TCF12: variants seen among roughly 807,000 people sequenced by gnomAD.
TCF12 encodes the protein transcription factor 12, also known as DNA-binding protein HTF4.
Under a neutral mutation model 86.0 loss-of-function variants are expected in TCF12, and 45 were observed. The observed-to-expected ratio is 0.52, with a 90% CI of 0.41 to 0.67. The LOEUF is 0.67. Among genes scored for constraint, TCF12 ranks in the 30% least tolerant of loss-of-function variants. The pLI is 0.00. For synonymous variants in TCF12, 330 were observed against 299.6 expected, an observed-to-expected ratio of 1.10 and a Z score of -1.05; for missense variants, 881 against 859.9, an observed-to-expected ratio of 1.02 and a Z score of -0.31.
intron 5 of TCF12, among the ~76,000 whole-genome samples, chr15:57,155,334 T>C (rs1300664718): frequency 6.6e-6 from 1 of 152,214 alleles, no homozygotes; most frequent in Non-Finnish European, 1.5e-5. Context: ...TTTTGAGTTA[T>C]GCCTTACTCA....
intron 6 of TCF12, among the ~76,000 whole-genome samples, chr15:57,171,721 A>G (rs930296756): frequency 3.3e-5 from 5 of 152,164 alleles, no homozygotes; most frequent in Non-Finnish European, 5.9e-5. Context: ...AAGGAAACTC[A>G]TGTGGCAGTA....
At chr15:57,213,498 A>T (rs2058202869) in intron 8 of TCF12, among the ~76,000 whole-genome samples, 1 of 152,242 alleles carries the variant, frequency 6.6e-6, no homozygotes, top group Non-Finnish European at 1.5e-5. Flanking sequence ...GGGGACCAAA[A>T]AATAACTTAA....
At position 56,952,133 on chromosome 15, in the gene TCF12, G is replaced by T. The variant is rs375260390; in HGVS notation, c.148+31035G>T. Among the ~76,000 whole-genome samples the T allele has an allele frequency of 4.0e-5, 6 of 151,898 alleles. No individual in the cohort carries two copies. In the South Asian group the frequency reaches 6.2e-4, roughly 16 times the overall value. ...TACTCTTTCTCAAGTGAATTCCTTT[G>T]CATGTTTGTGAACAAAAATAGTTTA... On this transcript the variant is annotated intron_variant, in intron 3 of 20. Coordinates refer to ENST00000333725, the MANE Select transcript of TCF12 (RefSeq NM_207037.2).
At chr15:57,251,673 G>T (rs1183136718) in intron 14 of TCF12, among the ~76,000 whole-genome samples, 1 of 152,130 alleles carries the variant, frequency 6.6e-6, no homozygotes, top group Non-Finnish European at 1.5e-5. Context: ...TTGTTTCTTT[G>T]ACAAATCTAG....
At chr15:56,993,303 C>T (rs114117577) in intron 3 of TCF12, among the ~76,000 whole-genome samples, 1 of 152,260 alleles carries the variant, frequency 6.6e-6, no homozygotes, top group African/African-American at 2.4e-5. Context: ...GTGGTAATGG[C>T]AGCAGAGACT....
chr15:57,247,016 T>G (rs2059895735), intron 13 of TCF12: 1 of 545,372 alleles, frequency 1.8e-6, no homozygotes. Context: ...TGCCTGAGCT[T>G]CTTCCACCAA....
At chr15:57,054,391 A>G (rs2067843361) in intron 3 of TCF12, among the ~76,000 whole-genome samples, 1 of 152,172 alleles carries the variant, frequency 6.6e-6, no homozygotes, top group Non-Finnish European at 1.5e-5. Context: ...AAAACAAAAA[A>G]CCTTTGCACT....
intron 18 of TCF12, among the ~76,000 whole-genome samples, chr15:57,271,243 CCACTTCGTT>C (rs2061126877): frequency 6.6e-6 from 1 of 152,216 alleles, no homozygotes; most frequent in South Asian, 2.1e-4. Context: ...AGCTTCCCTG[CCACTTCGTT>C]CACACAGTGA....
At chr15:57,222,787 TTTTTTTTA>T in intron 8 of TCF12, among the ~76,000 whole-genome samples, 6 of 135,582 alleles carry the variant, frequency 4.4e-5, no homozygotes, top group Admixed American at 7.3e-5. Context: ...TTTTTTTTTT[TTTTTTTTA>T]CTTTTAAGAT....
chr15:56,992,519 A>G (rs558374107), intron 3 of TCF12, among the ~76,000 whole-genome samples: 6 of 152,354 alleles, frequency 3.9e-5, no homozygotes, highest in African/African-American at 1.4e-4. Flanking sequence ...ATTTTGTTGA[A>G]TGGTGATTCT....
At chr15:57,125,272 G>T (rs2051559484) in intron 5 of TCF12, among the ~76,000 whole-genome samples, 2 of 152,304 alleles carry the variant, frequency 1.3e-5, no homozygotes, top group African/African-American at 4.8e-5. Flanking sequence ...CCTTTATCCA[G>T]TGGTAAGGTC....
At chr15:57,255,743 A>G (rs1258751981) in intron 16 of TCF12, among the ~76,000 whole-genome samples, 1 of 152,122 alleles carries the variant, frequency 6.6e-6, no homozygotes, top group African/African-American at 2.4e-5. Context: ...CGGCCTCCCA[A>G]AGTGCTGGGA....
chr15:57,220,250 C>T (rs2058527922), intron 8 of TCF12, among the ~76,000 whole-genome samples: 1 of 152,070 alleles, frequency 6.6e-6, no homozygotes, highest in African/African-American at 2.4e-5. Flanking sequence ...TATGTATATA[C>T]ACACATATGT....
At chr15:57,056,711 G>C (rs552959209) in intron 3 of TCF12, among the ~76,000 whole-genome samples, 2 of 151,480 alleles carry the variant, frequency 1.3e-5, no homozygotes, top group African/African-American at 4.9e-5. Context: ...CACCTGCCTT[G>C]GCCTCCCAAA....
At chr15:57,252,310 C>T (rs2060154383) in intron 14 of TCF12, 111 bp from the exon 15 acceptor site, 5 of 730,116 alleles carry the variant, frequency 6.8e-6, no homozygotes, top group Non-Finnish European at 9.4e-6. Context: ...CAAGTCTTGG[C>T]GTTAACTTTA....
chr15:57,185,761 A>G lies in TCF12; in HGVS notation c.391-6397A>G, dbSNP rs145526248. 2.9e-3 allele frequency among the ~76,000 whole-genome samples: 445 copies of G among 152,248 alleles called. 1 individual carries two copies. Among genetic ancestry groups the G allele is most frequent in the African/African-American group, 0.01 (428 of 41,552 alleles). ...TAGCCAGGTGTGGTGGTGCACATCT[A>G]GTCCCAGCCACTCAGGAGACTGAGG... On this transcript the variant is annotated intron_variant, in intron 6 of 20. Coordinates refer to ENST00000333725, the MANE Select transcript of TCF12 (RefSeq NM_207037.2).
At chr15:56,940,120 A>G (rs1046475578) in intron 3 of TCF12, among the ~76,000 whole-genome samples, 3 of 151,916 alleles carry the variant, frequency 2.0e-5, no homozygotes, top group Admixed American at 2.0e-4. Flanking sequence ...GTAGCTGGCC[A>G]ACACTTTGGA....
chr15:57,069,013 T>G (rs2069142419), intron 4 of TCF12, among the ~76,000 whole-genome samples: 1 of 152,166 alleles, frequency 6.6e-6, no homozygotes, highest in Non-Finnish European at 1.5e-5. Context: ...TTCTAGAATG[T>G]CGAGTTATAT....
At chr15:57,138,359 C>G (rs1294790504) in intron 5 of TCF12, among the ~76,000 whole-genome samples, 1 of 152,150 alleles carries the variant, frequency 6.6e-6, no homozygotes, top group Non-Finnish European at 1.5e-5. Context: ...TTTCTGTAAG[C>G]TTGGAATGTG....
Sources: allele counts gnomAD v4.1 joint callset (sites outside exome capture counted in the v4.1 genomes callset), GRCh38; gene constraint gnomAD v4.1.1; transcripts MANE v1.5; gene names NCBI Gene and HGNC (gene_info 2026-07-23, HGNC 2026-07-21).